Variants in KCNMB2 observed in about 807,000 individuals in gnomAD.
KCNMB2 encodes the protein calcium-activated potassium channel subunit beta-2.
Under a neutral mutation model 24.5 loss-of-function variants are expected in KCNMB2, and 9 were observed. The ratio of observed to expected loss-of-function variants is 0.37; its 90% CI spans 0.22 to 0.64. The LOEUF (loss-of-function observed/expected upper bound fraction) is 0.64, where lower values mean the gene tolerates loss of function less well. Among genes scored for constraint, KCNMB2 ranks in the 30% least tolerant of loss-of-function variants. The pLI is 0.63. For synonymous variants in KCNMB2, 109 were observed against 104.4 expected, an observed-to-expected ratio of 1.04 and a Z score of -0.27; for missense variants, 226 against 284.3, an observed-to-expected ratio of 0.79 and a Z score of 1.47.
At chr3:178,713,569 T>C (rs1004163489) in intron 1 of KCNMB2, among the ~76,000 whole-genome samples, 11 of 152,178 alleles carry the variant, frequency 7.2e-5, no homozygotes, top group Admixed American at 2.6e-4. Context: ...CCACATCCAA[T>C]TGGGGCAACA....
intron 1 of KCNMB2, among the ~76,000 whole-genome samples, chr3:178,804,822 C>T (rs1327306375): frequency 6.6e-6 from 1 of 152,218 alleles, no homozygotes; most frequent in Non-Finnish European, 1.5e-5. Context: ...ATGACTAAAG[C>T]AATCAGAGGA....
At chr3:178,607,834 T>C (rs1577044952) in intron 1 of KCNMB2, among the ~76,000 whole-genome samples, 1 of 152,236 alleles carries the variant, frequency 6.6e-6, no homozygotes, top group East Asian at 1.9e-4. Flanking sequence ...AAAATGAGAT[T>C]TTCTTTATAG....
At chr3:178,701,171 A>G (rs1441787005) in intron 1 of KCNMB2, among the ~76,000 whole-genome samples, 2 of 152,248 alleles carry the variant, frequency 1.3e-5, no homozygotes. Context: ...AGCTTTCTAC[A>G]TACGGCTAGC....
At chr3:178,700,658 G>T (rs1722054510) in intron 1 of KCNMB2, among the ~76,000 whole-genome samples, 1 of 152,100 alleles carries the variant, frequency 6.6e-6, no homozygotes, top group African/African-American at 2.4e-5. Flanking sequence ...TTTAGGAAGA[G>T]ATTTGAGAAG....
In KCNMB2 at chr3:178,643,665, C is replaced by G. The variant is rs114695372; in HGVS notation, c.-68+106954C>G. ...AAAAGTCAGGCATCCCTGATCTCCC[C>G]AGCCCACAGGAAACAGTAGGTTCCA... is the stretch of plus-strand genomic sequence containing the variant. On this transcript the variant is annotated intron_variant, in intron 1 of 4. Coordinates refer to ENST00000452583, the MANE Select transcript of KCNMB2 (RefSeq NM_181361.3). Among the ~76,000 whole-genome samples the G allele has an allele frequency of 7.1e-3, 1,082 of 152,308 alleles. 12 individuals carry two copies. Among genetic ancestry groups the G allele is most frequent in the African/African-American group, 0.025 (1,049 of 41,566 alleles).
intron 1 of KCNMB2, among the ~76,000 whole-genome samples, chr3:178,597,045 C>T (rs1053455423): frequency 3.9e-5 from 6 of 152,114 alleles, no homozygotes; most frequent in African/African-American, 1.4e-4. Flanking sequence ...TGCTCTTCTC[C>T]ACGCAGATGC....
chr3:178,585,615 TC>T, intron 1 of KCNMB2, among the ~76,000 whole-genome samples: 1 of 152,332 alleles, frequency 6.6e-6, no homozygotes, highest in South Asian at 2.1e-4. Flanking sequence ...CTGGGATACT[TC>T]CTGTAACACT....
intron 2 of KCNMB2, among the ~76,000 whole-genome samples, chr3:178,814,548 A>C (rs559686475): frequency 6.6e-6 from 1 of 152,272 alleles, no homozygotes; most frequent in African/African-American, 2.4e-5. Context: ...TAATTTGAGA[A>C]ATCTCCACAC....
chr3:178,733,481 T>C lies in KCNMB2; in HGVS notation c.-67-73862T>C, dbSNP rs1577134809. The stretch of plus-strand genomic sequence containing the variant: ...ATCTGATTTAAATTTATTTTATTTA[T>C]TTATTTATTTATTTTTTGAGACAGA... On this transcript the variant is annotated intron_variant, in intron 1 of 4. Transcript: ENST00000452583. 2.6e-5 allele frequency among the ~76,000 whole-genome samples: 4 copies of C among 152,206 alleles called. No homozygotes were observed. The South Asian group carries it at 8.3e-4, about 32-fold the overall frequency.
chr3:178,578,502 T>C (rs921884226), intron 1 of KCNMB2, among the ~76,000 whole-genome samples: 12 of 152,216 alleles, frequency 7.9e-5, no homozygotes, highest in African/African-American at 2.4e-4. Flanking sequence ...AGCATCATAA[T>C]GACAGGATCA....
chr3:178,647,405 T>C (rs1048680886), intron 1 of KCNMB2, among the ~76,000 whole-genome samples: 2 of 152,228 alleles, frequency 1.3e-5, no homozygotes, highest in African/African-American at 2.4e-5. Context: ...TTAGTTGCTT[T>C]CTACTAGAAT....
chr3:178,757,300 A>AAG lies in KCNMB2; in HGVS notation c.-67-50043_-67-50042insAG, dbSNP rs1560004840. On this transcript the variant is annotated intron_variant, in intron 1 of 4. Transcript: ENST00000452583. ...TACATATATCCAAGAGGATATATAT[A>AAG]TATATATCCATCCAAGAGGACATAT... 4.2e-3 allele frequency among the ~76,000 whole-genome samples: 520 copies of AAG among 124,884 alleles called. 6 individuals carry two copies. The highest frequency in any genetic ancestry group is 0.015 in the African/African-American group (496 of 33,508). The allele number at this position is 124,884 out of a possible 152,430, so 81.9% of individuals were successfully genotyped here.
intron 1 of KCNMB2, among the ~76,000 whole-genome samples, chr3:178,572,607 T>G (rs571180381): frequency 6.6e-6 from 1 of 152,352 alleles, no homozygotes; most frequent in Admixed American, 6.5e-5. Context: ...GCATTTTGGT[T>G]GTTGATTTAC....
chr3:178,805,669 C>T (rs1317090416), intron 1 of KCNMB2, among the ~76,000 whole-genome samples: 2 of 151,826 alleles, frequency 1.3e-5, no homozygotes, highest in Non-Finnish European at 2.9e-5. Flanking sequence ...CTGTGTCATC[C>T]AGGCTGGAGT....
In KCNMB2 at chr3:178,623,836, A is replaced by T. The variant is rs530191363; in HGVS notation, c.-68+87125A>T. Among the ~76,000 whole-genome samples, 5 of 152,306 alleles carry T rather than the reference A, an allele frequency of 3.3e-5. No homozygotes were observed. The East Asian group carries it at 9.6e-4, about 29-fold the overall frequency. On this transcript the variant is annotated intron_variant, in intron 1 of 4. Coordinates refer to ENST00000452583, the MANE Select transcript of KCNMB2 (RefSeq NM_181361.3). ...TTAAAATGATGAGTCACAGCTATTC[A>T]TGATGTCAGGGGTAAGCCTCAGCTA... is the stretch of plus-strand genomic sequence containing the variant.
chr3:178,626,129 C>T (rs1329690872), intron 1 of KCNMB2, among the ~76,000 whole-genome samples: 1 of 152,136 alleles, frequency 6.6e-6, no homozygotes, highest in Admixed American at 6.5e-5. Flanking sequence ...CAAAATGCTC[C>T]TGTAAATTTC....
rs140204404 is a variant in KCNMB2, at chr3:178,545,823, C to A, written c.-68+9112C>A. Reference sequence around the variant, plus strand: ...AGGAAATTAGAAGGGGGAAAAGAAACCTGACATCCAGAAGAAAATAATACC... The same window carrying A: ...AGGAAATTAGAAGGGGGAAAAGAAAACTGACATCCAGAAGAAAATAATACC... On this transcript the variant is annotated intron_variant, in intron 1 of 4. Coordinates refer to ENST00000452583, the MANE Select transcript of KCNMB2 (RefSeq NM_181361.3). 5.3e-4 allele frequency among the ~76,000 whole-genome samples: 81 copies of A among 152,250 alleles called. 1 individual carries two copies. The East Asian group carries it at 8.3e-3, about 16-fold the overall frequency.
intron 1 of KCNMB2, among the ~76,000 whole-genome samples, chr3:178,634,468 C>A (rs913741125): frequency 2.0e-5 from 3 of 151,946 alleles, no homozygotes; most frequent in Non-Finnish European, 4.4e-5. Context: ...AGGAGAAGAG[C>A]CAAGCAAAAT....
chr3:178,636,186 A>T (rs905412162), intron 1 of KCNMB2, among the ~76,000 whole-genome samples: 3 of 152,196 alleles, frequency 2.0e-5, no homozygotes, highest in Non-Finnish European at 2.9e-5. Flanking sequence ...CTTACAGAAA[A>T]TTGCTTCTCA....
Sources: allele counts gnomAD v4.1 joint callset (sites outside exome capture counted in the v4.1 genomes callset), GRCh38; gene constraint gnomAD v4.1.1; transcripts MANE v1.5; gene names NCBI Gene and HGNC (gene_info 2026-07-23, HGNC 2026-07-21).